FBN1: variants seen among roughly 807,000 people sequenced by gnomAD.
The protein encoded by FBN1 is fibrillin-1.
FBN1 carries 29 observed loss-of-function variants against 365.1 expected under a neutral mutation model. That is an observed-to-expected ratio of 0.08 (90% CI 0.06 to 0.11). FBN1 has a LOEUF of 0.11. FBN1 is among the 10% of genes least tolerant of loss of function. FBN1 has a pLI of 1.00. For synonymous variants in FBN1, 1,210 were observed against 1,270.5 expected (o/e 0.95, Z 1.01); for missense variants, 2,476 against 3,703.2 (o/e 0.67, Z 8.60).
intron 38 of FBN1, 105 bp downstream of exon 38, chr15:48,467,821 GGCTGAGAGGACT>G: frequency 1.0e-6 from 1 of 960,838 alleles, no homozygotes; most frequent in Non-Finnish European, 1.7e-6. Context: ...CCCTCTACAG[GGCTGAGAGGACT>G]GATCTTTCTT....
At chr15:48,633,917 T>C (rs1157555286) in intron 2 of FBN1, among the ~76,000 whole-genome samples, 1 of 152,192 alleles carries the variant, frequency 6.6e-6, no homozygotes, top group African/African-American at 2.4e-5. Flanking sequence ...ATAAGCACCT[T>C]GAGCACTTGT....
At position 48,523,640 on chromosome 15, in the gene FBN1, A is replaced by G. The variant is rs374337778; in HGVS notation, c.988+2490T>C. On this transcript the variant is annotated intron_variant, in intron 9 of 65. Coordinates refer to ENST00000316623, the MANE Select transcript of FBN1 (RefSeq NM_000138.5). ...TGAAAATTGGAAACCATTTGGAGTA[A>G]ATGACCTCCAGGACACAGCAGCCTG... 7.0e-4 allele frequency among the ~76,000 whole-genome samples: 106 copies of G among 151,728 alleles called. 1 individual carries two copies. The South Asian group carries it at 0.021, about 30-fold the overall frequency.
intron 6 of FBN1, among the ~76,000 whole-genome samples, chr15:48,557,153 C>T (rs969962439): frequency 6.6e-6 from 1 of 152,108 alleles, no homozygotes; most frequent in Non-Finnish European, 1.5e-5. Flanking sequence ...CACTTAGAAC[C>T]CAAATCTCTA....
chr15:48,419,745 C>T (rs1392152215), intron 63 of FBN1, among the ~76,000 whole-genome samples: 1 of 152,096 alleles, frequency 6.6e-6, no homozygotes, highest in Non-Finnish European at 1.5e-5. Flanking sequence ...GAGCCTGCAC[C>T]CGGGAAGCAG....
Position 48,463,253 on chromosome 15 carries a change from T to TA in FBN1, c.5066-14dup, listed in dbSNP as rs3833018. On this transcript the variant is annotated splice_polypyrimidine_tract_variant and intron_variant, in intron 41 of 65. Transcript: ENST00000316623. ...CTTCTTCTCATATCTAGAAGGGAGG[T>TA]AAAAAAAAGGATTGGAGGGTTGGTG... 26,558 of 1,609,614 alleles carry TA rather than the reference T, an allele frequency of 0.016. 618 individuals are homozygous for TA. Among genetic ancestry groups the TA allele is most frequent in the East Asian group, 0.11 (4,779 of 44,796 alleles).
intron 2 of FBN1, among the ~76,000 whole-genome samples, chr15:48,633,859 C>G (rs1566942672): frequency 6.6e-6 from 1 of 152,180 alleles, no homozygotes; most frequent in South Asian, 2.1e-4. Context: ...TAGGTCAGCT[C>G]TCGCTACCAC....
At chr15:48,455,506 C>A (rs998833564) in intron 44 of FBN1, among the ~76,000 whole-genome samples, 1 of 152,180 alleles carries the variant, frequency 6.6e-6, no homozygotes. Flanking sequence ...GGGAAAAGTG[C>A]GGCTGTGAGG....
At chr15:48,543,450 C>T (rs2044073845) in intron 6 of FBN1, among the ~76,000 whole-genome samples, 1 of 152,120 alleles carries the variant, frequency 6.6e-6, no homozygotes, top group Admixed American at 6.5e-5. Context: ...TTCCGGGACT[C>T]CTGATTTTAT....
chr15:48,576,246 G>C (rs1597613925), intron 6 of FBN1, among the ~76,000 whole-genome samples: 1 of 152,016 alleles, frequency 6.6e-6, no homozygotes, highest in East Asian at 1.9e-4. Flanking sequence ...CTTCTTCCAG[G>C]TCGTATCCTT....
intron 2 of FBN1, among the ~76,000 whole-genome samples, chr15:48,624,156 G>A (rs1400694976): frequency 1.3e-5 from 2 of 152,172 alleles, no homozygotes; most frequent in African/African-American, 4.8e-5. Context: ...AAAAAGCCAT[G>A]GGATGCACTC....
At chr15:48,423,975 C>T (rs1216189979) in intron 60 of FBN1, among the ~76,000 whole-genome samples, 1 of 151,858 alleles carries the variant, frequency 6.6e-6, no homozygotes, top group African/African-American at 2.4e-5. Context: ...ATTTTCTGCC[C>T]CCAGAGGTTA....
intron 2 of FBN1, among the ~76,000 whole-genome samples, chr15:48,620,961 AG>A (rs1889754823): frequency 6.6e-6 from 1 of 152,242 alleles, no homozygotes; most frequent in Non-Finnish European, 1.5e-5. Flanking sequence ...ATCCACACTG[AG>A]GGGAGCATGG....
At chr15:48,549,059 C>T (rs1476149516) in intron 6 of FBN1, among the ~76,000 whole-genome samples, 1 of 152,202 alleles carries the variant, frequency 6.6e-6, no homozygotes, top group Non-Finnish European at 1.5e-5. Context: ...GAACTATGCT[C>T]ATGCAAATGC....
chr15:48,528,147 T>C (rs2043931793), intron 8 of FBN1, among the ~76,000 whole-genome samples: 1 of 152,262 alleles, frequency 6.6e-6, no homozygotes, highest in Non-Finnish European at 1.5e-5. Context: ...TGGTATTAAA[T>C]ATTTTTTCTC....
chr15:48,465,876 C>A lies in FBN1; in HGVS notation c.4748-18G>T. 1 of 1,581,462 alleles carries A rather than the reference C, an allele frequency of 6.3e-7. No individual in the cohort carries two copies. The highest frequency in any genetic ancestry group is 1.1e-5 in the South Asian group (1 of 90,240). On this transcript the variant is annotated intron_variant, in intron 38 of 65. Coordinates refer to ENST00000316623, the MANE Select transcript of FBN1 (RefSeq NM_000138.5). ...GTACTCGGCTATTGAAACAAAAATTCAAATTGAGTTGTTTTGAATCTAAAG... is the reference window on the plus strand; with the variant it reads ...GTACTCGGCTATTGAAACAAAAATTAAAATTGAGTTGTTTTGAATCTAAAG...
At chr15:48,628,769 G>A (rs1440475044) in intron 2 of FBN1, among the ~76,000 whole-genome samples, 11 of 152,162 alleles carry the variant, frequency 7.2e-5, no homozygotes. Flanking sequence ...GGAAATGACA[G>A]AATTTGAATA....
intron 6 of FBN1, among the ~76,000 whole-genome samples, chr15:48,580,876 T>C (rs887294776): frequency 3.3e-5 from 5 of 152,140 alleles, no homozygotes; most frequent in African/African-American, 1.2e-4. Context: ...TAATCAAGTA[T>C]AGCGAGCCAG....
rs1555394582 is a variant in FBN1, at chr15:48,427,757, G to A, written c.7014C>T (p.Tyr2338=). The change falls in exon 58 of 66, where the codon TAC becomes TAT. Residue 2338 remains tyrosine, a synonymous_variant. Coordinates refer to ENST00000316623, the MANE Select transcript of FBN1 (RefSeq NM_000138.5). ...QDECLDNREG[Y]CFTEVLQNMC... ...TGTTTTGTAGCACCTCTGTGAAGCA[G>A]TACCCTTCCCGATTGTCTGGAAGGG... 6.2e-7 allele frequency: 1 copy of A among 1,614,000 alleles called. No homozygotes were observed. Among genetic ancestry groups the A allele is most frequent in the Non-Finnish European group, 8.5e-7 (1 of 1,179,928 alleles).
At chr15:48,433,027 C>G in intron 54 of FBN1, 39 bp from the exon 55 acceptor site, 3 of 1,611,314 alleles carry the variant, frequency 1.9e-6, no homozygotes, top group South Asian at 1.1e-5. Context: ...GGATCATGGA[C>G]AGCAACAAAA....
Sources: allele counts gnomAD v4.1 joint callset (sites outside exome capture counted in the v4.1 genomes callset), GRCh38; gene constraint gnomAD v4.1.1; transcripts MANE v1.5; gene names NCBI Gene and HGNC (gene_info 2026-07-23, HGNC 2026-07-21).